The following ZNF433 variants were observed in gnomAD, a reference collection of about 807,000 sequenced individuals.
The protein encoded by ZNF433 is zinc finger protein 433.
ZNF433 carries 12 observed loss-of-function variants against 10.6 expected under a neutral mutation model. That is an observed-to-expected ratio of 1.13 (90% CI 0.72 to 1.83). The LOEUF (loss-of-function observed/expected upper bound fraction) is 1.83, where lower values mean the gene tolerates loss of function less well. Among genes scored for constraint, ZNF433 ranks in the 40% most tolerant of loss-of-function variants. The probability of loss-of-function intolerance (pLI) is 0.00; values close to 1 mark genes in which losing one functional copy is unlikely to be tolerated. For synonymous variants in ZNF433, 272 were observed against 271.3 expected (o/e 1.00, Z -0.02); for missense variants, 737 against 798.0 (o/e 0.92, Z 0.92).
chr19:12,018,124 T>A, intron 2 of ZNF433, 42 bp downstream of exon 2: 1 of 1,525,086 alleles, frequency 6.6e-7, no homozygotes, highest in Non-Finnish European at 8.7e-7. Flanking sequence ...AAAAAAAACT[T>A]GTTGTCTCAT....
Position 12,016,200 on chromosome 19 carries a change from C to A in ZNF433, c.658G>T (p.Glu220Ter), listed in dbSNP as rs754930845. 2.5e-5 allele frequency: 41 copies of A among 1,614,096 alleles called. No individual in the cohort carries two copies. The highest frequency in any genetic ancestry group is 3.2e-5 in the Non-Finnish European group (38 of 1,180,052). Residue 220 changes from glutamate to a stop codon, truncating the protein, a stop_gained, in exon 4 of 4, where the codon GAG (glutamate) becomes TAG (stop). Coordinates refer to ENST00000550507, the MANE Select transcript of ZNF433 (RefSeq NM_001308348.2). LOFTEE classifies it low-confidence loss of function (END_TRUNC). ...CACTGTTTACATTGATATGGTTTCTCTCCAGTGTGAGTTCGTTTGTGGATA... is the reference window on the plus strand; with the variant it reads ...CACTGTTTACATTGATATGGTTTCTATCCAGTGTGAGTTCGTTTGTGGATA... ...YLIHKRTHTG[E>*]KPYQCKQCGK...
Position 12,016,602 on chromosome 19 carries a change from C to T in ZNF433, c.256G>A (p.Val86Ile). ...GTTTTCTTCAGCATGTCATCTGGAACCTGGGTCAAAATTTCTCCATGCTGA... is the reference window on the plus strand; with the variant it reads ...GTTTTCTTCAGCATGTCATCTGGAATCTGGGTCAAAATTTCTCCATGCTGA... ...GHQHGEILTQ[V>I]PDDMLKKTTT... is the part of the protein sequence containing the mutation. Residue 86 changes from valine (V) to isoleucine (I), a missense_variant, in exon 4 of 4, where the codon GTT becomes ATT. Transcript: ENST00000550507. 1 of 1,614,122 alleles carries T rather than the reference C, an allele frequency of 6.2e-7. No individual in the cohort carries two copies.
At chr19:12,035,389 A>G (rs1350018527) in intron 1 of ZNF433, 148 bp downstream of exon 1, 8 of 1,162,822 alleles carry the variant, frequency 6.9e-6, no homozygotes, top group Non-Finnish European at 7.3e-6. Flanking sequence ...CTGTGGGGCC[A>G]AGGGGACCAA....
Position 12,024,299 on chromosome 19 carries a change from A to G in ZNF433, c.4-6007T>C, listed in dbSNP as rs371296136. 6.6e-5 allele frequency: 10 copies of G among 152,332 alleles called. No individual in the cohort carries two copies. The East Asian group carries it at 1.9e-3, about 29-fold the overall frequency. 9.4% of individuals were successfully genotyped at this position (152,332 alleles called of 1,614,324 possible). A position where few individuals can be genotyped will look rare whatever the true frequency, so the allele number is the denominator to read the frequency against. ...TCCAAAAAATTGGCCTTTAATTGTC[A>G]TAGATTTAAAAGACTGTTTCTTTAC... On this transcript the variant is annotated intron_variant, in intron 1 of 3. Transcript: ENST00000550507.
At chr19:12,033,649 C>T (rs1169889678) in intron 1 of ZNF433, among the ~76,000 whole-genome samples, 3 of 151,920 alleles carry the variant, frequency 2.0e-5, no homozygotes, top group Admixed American at 1.3e-4. Flanking sequence ...AGTGAAACCC[C>T]GTCTCTACTA....
At chr19:12,021,285 C>T (rs757000457) in intron 1 of ZNF433, among the ~76,000 whole-genome samples, 2 of 151,670 alleles carry the variant, frequency 1.3e-5, no homozygotes, top group Non-Finnish European at 3.0e-5. Flanking sequence ...CTGGCCAGGA[C>T]TCCTTCTTTG....
In ZNF433 at chr19:12,015,016, C is replaced by T. The variant is rs369837478; in HGVS notation, c.1842G>A (p.Pro614=). Reference sequence around the variant, plus strand: ...CTTTCCCACATTGCTTACATTTATACGGTTTCTCTCCAGTGTGAGTCCTTC... The same window carrying T: ...CTTTCCCACATTGCTTACATTTATATGGTTTCTCTCCAGTGTGAGTCCTTC... ...MHGRTHTGEK[P]YKCKQCGKAF... Residue 614 remains proline (P), a synonymous_variant, in exon 4 of 4, where the codon CCG becomes CCA. Coordinates refer to ENST00000550507, the MANE Select transcript of ZNF433 (RefSeq NM_001308348.2). The T allele has an allele frequency of 2.2e-4, 348 of 1,609,884 alleles. No homozygotes were observed. The highest frequency in any genetic ancestry group is 6.6e-4 in the Middle Eastern group (4 of 6,040).
At position 12,017,949 on chromosome 19, in the gene ZNF433, A is replaced by G. The variant is rs1974293533; in HGVS notation, c.131-13T>C. ...TTCCATTTTTTCCCTACAACACACA[A>G]CAAGGAAAATAATCTTGAATTAGTA... On this transcript the variant is annotated splice_polypyrimidine_tract_variant and intron_variant, in intron 2 of 3. Transcript: ENST00000550507. The G allele has an allele frequency of 1.3e-6, 2 of 1,555,718 alleles. No homozygotes were observed. The highest frequency in any genetic ancestry group is 1.7e-6 in the Non-Finnish European group (2 of 1,151,966).
At chr19:12,026,667 A>G (rs1205406711) in intron 1 of ZNF433, 2 of 452,980 alleles carry the variant, frequency 4.4e-6, no homozygotes, top group East Asian at 6.9e-5. Context: ...ATTTGTAAAC[A>G]GGATTGGACC....
Position 12,016,172 on chromosome 19 carries a change from C to G in ZNF433, c.686G>C (p.Gly229Ala). 6.2e-7 allele frequency: 1 copy of G among 1,614,158 alleles called. No individual in the cohort carries two copies. ...GCTACTAGAATGACTAAAGGCTTTA[C>G]CACACTGTTTACATTGATATGGTTT... ...GEKPYQCKQCGKAFSHSSSLR... is the reference protein window; with the variant it reads ...GEKPYQCKQCAKAFSHSSSLR... The change falls in exon 4 of 4, where the codon GGT (glycine) becomes GCT (alanine). Residue 229 changes from glycine (G) to alanine (A), a missense_variant. Coordinates refer to ENST00000550507, the MANE Select transcript of ZNF433 (RefSeq NM_001308348.2).
chr19:12,017,806 T>C (rs1974283510), intron 3 of ZNF433, 70 bp downstream of exon 3: 1 of 967,552 alleles, frequency 1.0e-6, no homozygotes, highest in Non-Finnish European at 1.6e-6. Flanking sequence ...TCCTTTTTTT[T>C]TTTTTAACAT....
rs1974208380 is a variant in ZNF433, at chr19:12,016,493, T to C, written c.365A>G (p.Asp122Gly). ...CTCATATGCCTTGTGTCCAGTGTCA[T>C]CTCTGATGTGCCTATTAAGAGATGA... is the stretch of plus-strand genomic sequence containing the variant. ...AHSSLNRHIRDDTGHKAYEYQ... is the reference protein window; with the variant it reads ...AHSSLNRHIRGDTGHKAYEYQ... The change falls in exon 4 of 4, where the codon GAT (aspartate) becomes GGT (glycine). Residue 122 changes from aspartate (D) to glycine (G), a missense_variant. Coordinates refer to ENST00000550507, the MANE Select transcript of ZNF433 (RefSeq NM_001308348.2). 6.2e-7 allele frequency: 1 copy of C among 1,614,176 alleles called. No homozygotes were observed. The highest frequency in any genetic ancestry group is 8.5e-7 in the Non-Finnish European group (1 of 1,180,026).
chr19:12,021,864 A>G, intron 1 of ZNF433: 2 of 433,964 alleles, frequency 4.6e-6, no homozygotes, highest in Non-Finnish European at 9.6e-6. Context: ...GTTATCCCAT[A>G]AACTTAGTAA....
intron 1 of ZNF433, chr19:12,021,839 A>T: frequency 2.5e-6 from 1 of 407,448 alleles, no homozygotes; most frequent in South Asian, 1.7e-5. Context: ...TCTCTCCTGA[A>T]GACCACTCCC....
chr19:12,019,905 A>G (rs1974399724), intron 1 of ZNF433, among the ~76,000 whole-genome samples: 1 of 152,182 alleles, frequency 6.6e-6, no homozygotes, highest in East Asian at 1.9e-4. Context: ...GTAAAATTGA[A>G]GTTTATTATT....
chr19:12,032,261 T>C (rs1168744644), intron 1 of ZNF433, among the ~76,000 whole-genome samples: 1 of 152,070 alleles, frequency 6.6e-6, no homozygotes, highest in Non-Finnish European at 1.5e-5. Context: ...TGGGTACTCT[T>C]TGTAATTCAC....
Position 12,014,733 on chromosome 19 carries a change from C to G in ZNF433, c.*112G>C. 19 of 826,320 alleles carry G rather than the reference C, an allele frequency of 2.3e-5. No individual in the cohort carries two copies. In the South Asian group the frequency reaches 4.5e-4, roughly 20 times the overall value. 51.2% of individuals were successfully genotyped at this position (826,320 alleles called of 1,614,324 possible). On this transcript the variant is annotated 3_prime_UTR_variant, in exon 4 of 4. Transcript: ENST00000550507. ...ACTGCCATTACCACCAACTGGAAGTCTTTTTATTTATTTATTTAATTTTTA... is the reference window on the plus strand; with the variant it reads ...ACTGCCATTACCACCAACTGGAAGTGTTTTTATTTATTTATTTAATTTTTA...
In ZNF433 at chr19:12,015,768, TATGAG is replaced by T. The variant is rs1292253028; in HGVS notation, c.1085_1089del (p.Ser362Ter). Reference sequence around the variant, plus strand: ...AAGGCTTTCCCACATATCTTACATTTATGAGATATCTCTCCAGTGTGCATTCCCAA... The same window carrying T: ...AAGGCTTTCCCACATATCTTACATTTATATCTCTCCAGTGTGCATTCCCAA... On this transcript the variant is annotated frameshift_variant, in exon 4 of 4. Transcript: ENST00000550507. LOFTEE classifies it low-confidence loss of function (END_TRUNC). 3.7e-6 allele frequency: 6 copies of T among 1,613,792 alleles called. No individual in the cohort carries two copies. Among genetic ancestry groups the T allele is most frequent in the Middle Eastern group, 3.3e-4 (2 of 6,082 alleles).
chr19:12,019,052 TAAAAAAAAAAA>T lies in ZNF433; in HGVS notation c.4-771_4-761del, dbSNP rs754859866. Among the ~76,000 whole-genome samples the T allele has an allele frequency of 6.5e-3, 407 of 62,852 alleles. 2 individuals are homozygous for T. Among genetic ancestry groups the T allele is most frequent in the African/African-American group, 0.02 (382 of 19,356 alleles). 41.2% of individuals were successfully genotyped at this position (62,852 alleles called of 152,430 possible). A position where few individuals can be genotyped will look rare whatever the true frequency, so the allele number is the denominator to read the frequency against. On this transcript the variant is annotated intron_variant, in intron 1 of 3. Transcript: ENST00000550507. ...GTGACAGAGCAAGACTCCATCTTAA[TAAAAAAAAAAA>T]AAAAAAAAAAAAAATTTCCAGGCAC... is the stretch of plus-strand genomic sequence containing the variant.
Sources: allele counts gnomAD v4.1 joint callset (sites outside exome capture counted in the v4.1 genomes callset), GRCh38; gene constraint gnomAD v4.1.1; transcripts MANE v1.5; gene names NCBI Gene and HGNC (gene_info 2026-07-23, HGNC 2026-07-21).